Variants in LARP7 observed in about 807,000 individuals in gnomAD.
LARP7 encodes la-related protein 7.
In LARP7, 52 loss-of-function variants were observed where a neutral mutation model predicts 69.3. The observed-to-expected ratio is 0.75, with a 90% CI of 0.60 to 0.95. The LOEUF is 0.95. LARP7 is among the 40% of genes least tolerant of loss of function. The probability of loss-of-function intolerance (pLI) is 0.00; values close to 1 mark genes in which losing one functional copy is unlikely to be tolerated. For missense variants in LARP7, 733 were observed against 673.0 expected (o/e 1.09, Z -0.99); for synonymous variants, 254 against 215.9 (o/e 1.18, Z -1.55).
intron 10 of LARP7, among the ~76,000 whole-genome samples, chr4:112,650,821 G>A (rs768216153): frequency 6.6e-6 from 1 of 151,866 alleles, no homozygotes; most frequent in Non-Finnish European, 1.5e-5. Context: ...CTTCTCTATA[G>A]GAAAATTGTA....
intron 9 of LARP7, chr4:112,650,195 G>T: frequency 3.6e-6 from 1 of 281,504 alleles, no homozygotes; most frequent in Non-Finnish European, 6.6e-6. Flanking sequence ...CCTTTGTTCA[G>T]GGAGAAGGGG....
intron 8 of LARP7, chr4:112,648,552 G>T: frequency 1.9e-6 from 1 of 525,346 alleles, no homozygotes; most frequent in East Asian, 5.5e-5. Flanking sequence ...TAAAGTTGAA[G>T]GGAGCCCACC....
At chr4:112,645,613 G>T (rs1560925301) in intron 2 of LARP7, 1 of 388,588 alleles carries the variant, frequency 2.6e-6, no homozygotes, top group Non-Finnish European at 5.0e-6. Flanking sequence ...CACCCCCTCA[G>T]CCCCACCCAA....
At position 112,646,677 on chromosome 4, in the gene LARP7, C is replaced by CT. The variant is rs776343047; in HGVS notation, c.387+8dup. 5.7e-6 allele frequency: 9 copies of CT among 1,588,774 alleles called. No individual in the cohort carries two copies. Among genetic ancestry groups the CT allele is most frequent in the Non-Finnish European group, 6.0e-6 (7 of 1,170,264 alleles). ...ATGAACGCACAGTGTATGTGGTAAG[C>CT]TTAAGAACCCGGGTCCCCAGTCAGA... On this transcript the variant is annotated splice_region_variant and intron_variant, in intron 4 of 12. Coordinates refer to ENST00000344442, the MANE Select transcript of LARP7 (RefSeq NM_016648.4).
intron 1 of LARP7, among the ~76,000 whole-genome samples, chr4:112,639,668 A>G (rs1273831376): frequency 1.3e-5 from 2 of 152,288 alleles, no homozygotes; most frequent in African/African-American, 2.4e-5. Flanking sequence ...TGGGTTATAC[A>G]TAGGCTCCTG....
At chr4:112,639,534 G>A (rs2047875226) in intron 1 of LARP7, among the ~76,000 whole-genome samples, 1 of 150,962 alleles carries the variant, frequency 6.6e-6, no homozygotes, top group African/African-American at 2.4e-5. Flanking sequence ...CTGGCCAAGT[G>A]TTACTTTTTT....
intron 8 of LARP7, 137 bp downstream of exon 8, chr4:112,647,971 G>T (rs754247159): frequency 1.3e-6 from 1 of 763,414 alleles, no homozygotes; most frequent in South Asian, 1.4e-5. Flanking sequence ...CACAGTGTGG[G>T]CGTTAACGCA....
chr4:112,657,108 T>C, intron 12 of LARP7, 139 bp from the exon 13 acceptor site: 1 of 431,832 alleles, frequency 2.3e-6, no homozygotes, highest in South Asian at 8.0e-5. Context: ...TGTCATCTTC[T>C]CGCTGTTTTT....
intron 8 of LARP7, chr4:112,648,250 G>A: frequency 1.9e-6 from 1 of 531,444 alleles, no homozygotes. Context: ...TTTAAGTGGT[G>A]GGGAGCCCAG....
chr4:112,652,988 ATATAT>A (rs2048813055), intron 10 of LARP7, 84 bp from the exon 11 acceptor site: 4 of 956,146 alleles, frequency 4.2e-6, no homozygotes, highest in Non-Finnish European at 5.9e-6. Flanking sequence ...TATTTACATA[ATATAT>A]TCTGGCATAA....
chr4:112,641,269 A>T (rs564394282), intron 1 of LARP7, among the ~76,000 whole-genome samples: 20 of 152,282 alleles, frequency 1.3e-4, no homozygotes, highest in African/African-American at 4.8e-4. Context: ...ACATGCCTAT[A>T]GTCCCAGCTA....
intron 1 of LARP7, among the ~76,000 whole-genome samples, chr4:112,638,467 A>T (rs1425334745): frequency 6.6e-6 from 1 of 152,154 alleles, no homozygotes; most frequent in Non-Finnish European, 1.5e-5. Flanking sequence ...GCAACATGGA[A>T]ATTAGGTTTG....
At chr4:112,655,703 G>A (rs2048926665) in intron 12 of LARP7, among the ~76,000 whole-genome samples, 1 of 152,220 alleles carries the variant, frequency 6.6e-6, no homozygotes, top group African/African-American at 2.4e-5. Context: ...TATAGTTTAG[G>A]TGATGACCAG....
chr4:112,649,448 C>A, intron 8 of LARP7, 87 bp from the exon 9 acceptor site: 1 of 1,125,306 alleles, frequency 8.9e-7, no homozygotes, highest in Non-Finnish European at 1.2e-6. Flanking sequence ...GGAGTTGCTC[C>A]AAGTCATTGT....
intron 8 of LARP7, 168 bp downstream of exon 8, chr4:112,648,002 C>A: frequency 1.4e-6 from 1 of 707,692 alleles, no homozygotes; most frequent in Non-Finnish European, 2.7e-6. Flanking sequence ...AGGTAGGAAC[C>A]ACCACACTCA....
At chr4:112,649,256 T>TG (rs2048583440) in intron 8 of LARP7, among the ~76,000 whole-genome samples, 1 of 152,180 alleles carries the variant, frequency 6.6e-6, no homozygotes, top group Non-Finnish European at 1.5e-5. Context: ...AAGGAATTAA[T>TG]GCTAAAATTT....
chr4:112,641,908 A>T (rs1263142228), intron 1 of LARP7, among the ~76,000 whole-genome samples: 5 of 152,216 alleles, frequency 3.3e-5, no homozygotes, highest in African/African-American at 9.7e-5. Flanking sequence ...CATAAAGCCA[A>T]TGAGCTTAAA....
Position 112,654,154 on chromosome 4 carries a change from G to T in LARP7, c.1663G>T (p.Glu555Ter). 3 of 1,611,846 alleles carry T rather than the reference G, an allele frequency of 1.9e-6. No individual in the cohort carries two copies. The highest frequency in any genetic ancestry group is 2.5e-6 in the Non-Finnish European group (3 of 1,178,494). The change falls in exon 12 of 13, where the codon GAA (glutamate) becomes TAA (stop). Residue 555 changes from glutamate to a stop codon, truncating the protein, a stop_gained. Coordinates refer to ENST00000344442, the MANE Select transcript of LARP7 (RefSeq NM_016648.4). LOFTEE classifies it high-confidence loss of function. ...NQPREKKRGT[E>*]KLITKAEKIR... ...GCCTCGGGAAAAGAAAAGAGGCACTGAAAAGGTAATTGATTCATTTTTGTT... is the reference window on the plus strand; with the variant it reads ...GCCTCGGGAAAAGAAAAGAGGCACTTAAAAGGTAATTGATTCATTTTTGTT...
In LARP7 at chr4:112,646,512, G is replaced by A. The variant is rs574582857; in HGVS notation, c.303+61G>A. ...GTTTATAATTATAAAGAATGTTAAC[G>A]TAATGATTATTATATGATTATAGCT... On this transcript the variant is annotated intron_variant, in intron 3 of 12. Transcript: ENST00000344442. The A allele has an allele frequency of 5.4e-5, 69 of 1,266,212 alleles. No homozygotes were observed. In the East Asian group the frequency reaches 8.1e-4, roughly 15 times the overall value. 78.4% of individuals were successfully genotyped at this position (1,266,212 alleles called of 1,614,324 possible).
Sources: gnomAD v4.1 joint callset for allele counts (sites outside exome capture counted in the v4.1 genomes callset) on GRCh38, gnomAD v4.1.1 for gene constraint, MANE v1.5 for transcripts, NCBI Gene and HGNC (gene_info 2026-07-23, HGNC 2026-07-21) for gene names.